The following UTP20 variants were observed in gnomAD, a reference collection of about 807,000 sequenced individuals.
The protein encoded by UTP20 is UTP20 small subunit processome component, also known as small subunit processome component 20 homolog.
In UTP20, 164 loss-of-function variants were observed where a neutral mutation model predicts 329.5. The observed-to-expected ratio is 0.50, with a 90% CI of 0.44 to 0.57. The LOEUF is 0.57. UTP20 is among the 20% of genes least tolerant of loss of function. The pLI, the probability that UTP20 is intolerant of heterozygous loss-of-function variation, is 0.00. For missense variants in UTP20, 3,055 were observed against 3,284.2 expected, an observed-to-expected ratio of 0.93 and a Z score of 1.71; for synonymous variants, 1,151 against 1,159.3, an observed-to-expected ratio of 0.99 and a Z score of 0.14.
At chr12:101,369,115 A>G (rs1008827244) in intron 48 of UTP20, among the ~76,000 whole-genome samples, 1 of 152,244 alleles carries the variant, frequency 6.6e-6, no homozygotes, top group African/African-American at 2.4e-5. Flanking sequence ...TGTCTGCTGC[A>G]TAAATGCAGA....
intron 37 of UTP20, among the ~76,000 whole-genome samples, 153 bp from the exon 38 acceptor site, chr12:101,346,298 A>ATC (rs898846580): frequency 6.6e-6 from 1 of 152,148 alleles, no homozygotes. Flanking sequence ...TGATCTGCCC[A>ATC]TCTCGGCCTC....
At chr12:101,291,592 A>T in intron 8 of UTP20, 150 bp from the exon 9 acceptor site, 2 of 415,074 alleles carry the variant, frequency 4.8e-6, no homozygotes, top group Non-Finnish European at 8.0e-6. Flanking sequence ...AGCCAATGTT[A>T]GCTGTTATCG....
At chr12:101,287,282 A>G (rs1263352381) in intron 5 of UTP20, among the ~76,000 whole-genome samples, 1 of 152,222 alleles carries the variant, frequency 6.6e-6, no homozygotes, top group African/African-American at 2.4e-5. Context: ...AGAGAAAGAA[A>G]TCTTTTTCCA....
In UTP20 at chr12:101,311,711, T is replaced by TC. The variant is rs1321659901; in HGVS notation, c.2232-5dup. On this transcript the variant is annotated splice_region_variant and splice_polypyrimidine_tract_variant and intron_variant, in intron 19 of 61. Transcript: ENST00000261637. ...ACTTTTTATTTTGTGATTTTTTTTTTCCCTTAGTTCTCATGCACACGAAAT... is the reference window on the plus strand; with the variant it reads ...ACTTTTTATTTTGTGATTTTTTTTTTCCCCTTAGTTCTCATGCACACGAAAT... The TC allele has an allele frequency of 1.3e-6, 2 of 1,598,208 alleles. No individual in the cohort carries two copies. Among genetic ancestry groups the TC allele is most frequent in the East Asian group, 2.2e-5 (1 of 44,818 alleles).
chr12:101,341,152 A>G (rs540466519), intron 32 of UTP20, among the ~76,000 whole-genome samples: 1 of 150,544 alleles, frequency 6.6e-6, no homozygotes, highest in South Asian at 2.1e-4. Flanking sequence ...GTTTTTTTGT[A>G]TTTTCAATAG....
At chr12:101,340,147 A>G (rs972140972) in intron 31 of UTP20, among the ~76,000 whole-genome samples, 10 of 152,190 alleles carry the variant, frequency 6.6e-5, no homozygotes, top group African/African-American at 2.4e-4. Flanking sequence ...CATGGGTGTT[A>G]AATTGAAATA....
intron 2 of UTP20, 68 bp downstream of exon 2, chr12:101,281,264 G>A (rs1247027738): frequency 1.4e-5 from 20 of 1,381,700 alleles, no homozygotes; most frequent in African/African-American, 2.9e-5. Flanking sequence ...GTTAGTAGAA[G>A]TGAATTGTTT....
chr12:101,334,339 G>C, intron 28 of UTP20, 86 bp from the exon 29 acceptor site: 2 of 1,134,520 alleles, frequency 1.8e-6, no homozygotes, highest in African/African-American at 1.6e-5. Context: ...ATCCTGTGCT[G>C]TGATTTCTGT....
At chr12:101,305,757 A>C in intron 15 of UTP20, among the ~76,000 whole-genome samples, 158 bp from the exon 16 acceptor site, 1 of 151,942 alleles carries the variant, frequency 6.6e-6, no homozygotes. Context: ...TGGGCCTCAG[A>C]TTCTTCATCT....
Position 101,367,857 on chromosome 12 carries a change from T to C in UTP20, c.6268-3T>C, listed in dbSNP as rs778786216. ...TGTGAAATACCTGTTTGAACTCTCTTAGCTGCTGCATCTGAGTCTGAAGAC... is the reference window on the plus strand; with the variant it reads ...TGTGAAATACCTGTTTGAACTCTCTCAGCTGCTGCATCTGAGTCTGAAGAC... On this transcript the variant is annotated splice_polypyrimidine_tract_variant and splice_region_variant and intron_variant, in intron 47 of 61. Transcript: ENST00000261637. 1 of 1,606,518 alleles carries C rather than the reference T, an allele frequency of 6.2e-7. No individual in the cohort carries two copies. Among genetic ancestry groups the C allele is most frequent in the Non-Finnish European group, 8.5e-7 (1 of 1,173,212 alleles).
At chr12:101,281,500 G>A (rs1317159843) in intron 2 of UTP20, among the ~76,000 whole-genome samples, 1 of 152,160 alleles carries the variant, frequency 6.6e-6, no homozygotes, top group African/African-American at 2.4e-5. Flanking sequence ...AGCTGTCTTT[G>A]TGATTCTAGC....
chr12:101,342,551 A>G lies in UTP20; in HGVS notation c.4207A>G (p.Asn1403Asp). ...AGCAAAACTTTTCTCAGTTATTAAG[A>G]ACAAATTGTCAAGAAAATTGCTTTG... Reference protein sequence around the residue: ...PIAKLFSVIKNKLSRKLLCTV... With the variant: ...PIAKLFSVIKDKLSRKLLCTV... The change falls in exon 33 of 62, where the codon AAC becomes GAC. Residue 1403 changes from asparagine to aspartate, a missense_variant. Asn to Asp is a conservative substitution (Grantham distance 23). This residue lies in a region of UTP20 where 2,445 missense variants were observed against 2,575.5 expected (regional missense o/e 0.95). Coordinates refer to ENST00000261637, the MANE Select transcript of UTP20 (RefSeq NM_014503.3). 1 of 1,613,588 alleles carries G rather than the reference A, an allele frequency of 6.2e-7. No individual in the cohort carries two copies. Among genetic ancestry groups the G allele is most frequent in the East Asian group, 2.2e-5 (1 of 44,856 alleles).
chr12:101,347,151 G>C (rs1869351877), intron 38 of UTP20, among the ~76,000 whole-genome samples: 1 of 152,180 alleles, frequency 6.6e-6, no homozygotes, highest in African/African-American at 2.4e-5. Flanking sequence ...ACTTAGGGCT[G>C]TTTTAACCTT....
chr12:101,308,133 G>A, intron 17 of UTP20, 52 bp from the exon 18 acceptor site: 1 of 1,423,952 alleles, frequency 7.0e-7, no homozygotes, highest in Non-Finnish European at 9.3e-7. Flanking sequence ...TGTTCTTTTT[G>A]GAAAATCAAA....
At chr12:101,334,885 A>T (rs1868883460) in intron 29 of UTP20, among the ~76,000 whole-genome samples, 1 of 151,740 alleles carries the variant, frequency 6.6e-6, no homozygotes, top group South Asian at 2.1e-4. Flanking sequence ...AGGTGGGAGG[A>T]TTGCTTGAGC....
At chr12:101,328,293 C>T (rs1006133480) in intron 26 of UTP20, among the ~76,000 whole-genome samples, 1 of 152,022 alleles carries the variant, frequency 6.6e-6, no homozygotes, top group East Asian at 1.9e-4. Flanking sequence ...ATGGATGGCC[C>T]GTTTGGGTGT....
chr12:101,382,317 T>C (rs1159188612), intron 58 of UTP20, among the ~76,000 whole-genome samples: 2 of 151,404 alleles, frequency 1.3e-5, no homozygotes, highest in East Asian at 4.0e-4. Context: ...AAGAATTGCT[T>C]GAACCCAGAG....
chr12:101,305,304 T>C (rs921326571), intron 15 of UTP20, among the ~76,000 whole-genome samples: 54 of 152,108 alleles, frequency 3.6e-4, no homozygotes, highest in African/African-American at 1.2e-3. Flanking sequence ...AACTGCTATA[T>C]CTACAGTATC....
At chr12:101,368,718 T>A (rs1870181033) in intron 48 of UTP20, among the ~76,000 whole-genome samples, 1 of 152,180 alleles carries the variant, frequency 6.6e-6, no homozygotes, top group Non-Finnish European at 1.5e-5. Context: ...CCCTGAGGCA[T>A]ATATTCTTAC....
Sources: allele counts gnomAD v4.1 joint callset (sites outside exome capture counted in the v4.1 genomes callset), GRCh38; gene constraint gnomAD v4.1.1; regional missense constraint gnomAD v4.1.1; transcripts MANE v1.5; gene names NCBI Gene and HGNC (gene_info 2026-07-23, HGNC 2026-07-21).